The following NFASC variants were observed in gnomAD, a reference collection of about 807,000 sequenced individuals.
The protein encoded by NFASC is neurofascin homolog.
In NFASC, 43 loss-of-function variants were observed where a neutral mutation model predicts 147.5. The ratio of observed to expected loss-of-function variants is 0.29; its 90% CI spans 0.23 to 0.38. The LOEUF (loss-of-function observed/expected upper bound fraction) is 0.38. Among genes scored for constraint, NFASC ranks in the 10% least tolerant of loss-of-function variants. The probability of loss-of-function intolerance (pLI) is 1.00; values close to 1 mark genes in which losing one functional copy is unlikely to be tolerated. For missense variants in NFASC, 1,320 were observed against 1,689.0 expected (o/e 0.78, Z 3.83); for synonymous variants, 622 against 665.5 (o/e 0.93, Z 1.01).
At chr1:204,875,511 G>A (rs2078602313) in intron 1 of NFASC, among the ~76,000 whole-genome samples, 1 of 152,220 alleles carries the variant, frequency 6.6e-6, no homozygotes. Context: ...GGATTAGAAA[G>A]TTAAGGTGCT....
intron 2 of NFASC, among the ~76,000 whole-genome samples, chr1:204,940,505 A>G (rs1220920138): frequency 1.3e-5 from 2 of 152,226 alleles, no homozygotes; most frequent in African/African-American, 2.4e-5. Flanking sequence ...TGGTCCATTC[A>G]CAATGTGTGC....
chr1:204,864,243 C>T (rs959726576), intron 1 of NFASC, among the ~76,000 whole-genome samples: 8 of 152,132 alleles, frequency 5.3e-5, no homozygotes, highest in Non-Finnish European at 1.2e-4. Flanking sequence ...GAATGCACAC[C>T]GTTTTGTTTA....
At chr1:204,927,503 T>C (rs1204644600) in intron 2 of NFASC, among the ~76,000 whole-genome samples, 1 of 152,214 alleles carries the variant, frequency 6.6e-6, no homozygotes, top group East Asian at 1.9e-4. Flanking sequence ...TTTGACCTTT[T>C]GAAGATCCCT....
chr1:204,839,657 T>C (rs753082728), intron 1 of NFASC, among the ~76,000 whole-genome samples: 1 of 152,212 alleles, frequency 6.6e-6, no homozygotes, highest in Non-Finnish European at 1.5e-5. Flanking sequence ...AGGGCTGTCC[T>C]GAGCTCGCCT....
chr1:204,837,848 G>A (rs889410195), intron 1 of NFASC, among the ~76,000 whole-genome samples: 5 of 152,120 alleles, frequency 3.3e-5, no homozygotes, highest in Non-Finnish European at 5.9e-5. Flanking sequence ...TATGGTCCTT[G>A]TGATGAAAGC....
At chr1:205,006,849 C>T (rs984122902) in intron 27 of NFASC, among the ~76,000 whole-genome samples, 8 of 152,102 alleles carry the variant, frequency 5.3e-5, no homozygotes, top group Admixed American at 1.3e-4. Context: ...GAATTTCAAG[C>T]GCATGCATCC....
intron 2 of NFASC, among the ~76,000 whole-genome samples, chr1:204,927,096 A>G (rs994668633): frequency 5.9e-5 from 9 of 152,124 alleles, no homozygotes; most frequent in Non-Finnish European, 1.2e-4. Flanking sequence ...GATGATAGAT[A>G]GATAGATGGA....
At chr1:204,988,981 G>A (rs112629903) in intron 23 of NFASC, 175 bp downstream of exon 23, 4 of 638,462 alleles carry the variant, frequency 6.3e-6, no homozygotes, top group Non-Finnish European at 1.1e-5. Flanking sequence ...TGCTGGCATT[G>A]TATCTGGAGC....
rs781227252 is a variant in NFASC at position 204,842,650 on chromosome 1, G to T, written c.-200+13868G>T. 3.2e-4 allele frequency among the ~76,000 whole-genome samples: 48 copies of T among 152,354 alleles called. No homozygotes were observed. The Middle Eastern group carries it at 0.014, about 43-fold the overall frequency. ...CTCCATCTGACCACAGAGGCCTGGG[G>T]TTTTAATGCTTAATCTTTTTATTCC... On this transcript the variant is annotated intron_variant, in intron 1 of 29. Coordinates refer to ENST00000339876, the MANE Select transcript of NFASC (RefSeq NM_001005388.3).
intron 1 of NFASC, among the ~76,000 whole-genome samples, chr1:204,855,461 T>A (rs1040473628): frequency 3.9e-5 from 6 of 152,082 alleles, no homozygotes; most frequent in African/African-American, 1.4e-4. Flanking sequence ...AAAAAGACTT[T>A]AGAAATTAGG....
intron 1 of NFASC, among the ~76,000 whole-genome samples, chr1:204,869,000 G>A (rs748971250): frequency 3.3e-5 from 5 of 152,188 alleles, no homozygotes; most frequent in African/African-American, 4.8e-5. Context: ...TAGGGCCAAC[G>A]CCTTCCATCC....
At chr1:205,003,379 G>A (rs940641673) in intron 27 of NFASC, among the ~76,000 whole-genome samples, 2 of 152,178 alleles carry the variant, frequency 1.3e-5, no homozygotes, top group African/African-American at 2.4e-5. Context: ...GCTCTATAGC[G>A]GCTTTAGCTG....
intron 1 of NFASC, among the ~76,000 whole-genome samples, chr1:204,894,579 T>C (rs1169601187): frequency 1.3e-5 from 2 of 152,208 alleles, no homozygotes; most frequent in Admixed American, 1.3e-4. Context: ...TGTTATTCCT[T>C]GGAATTCTTT....
intron 2 of NFASC, among the ~76,000 whole-genome samples, chr1:204,923,307 G>A (rs1025912828): frequency 5.9e-5 from 9 of 152,202 alleles, no homozygotes; most frequent in Non-Finnish European, 1.0e-4. Context: ...TGCCCCAAGC[G>A]TCTGCTCCTG....
At chr1:204,868,848 C>T (rs1448677967) in intron 1 of NFASC, among the ~76,000 whole-genome samples, 2 of 152,236 alleles carry the variant, frequency 1.3e-5, no homozygotes, top group African/African-American at 4.8e-5. Context: ...ATTTTATCCC[C>T]TTTTGTTCCG....
At chr1:204,871,342 A>G (rs578109889) in intron 1 of NFASC, among the ~76,000 whole-genome samples, 32 of 152,292 alleles carry the variant, frequency 2.1e-4, no homozygotes, top group Non-Finnish European at 3.8e-4. Flanking sequence ...CTGAAATTTT[A>G]GGAGGAAGAG....
chr1:205,009,967 T>C, intron 28 of NFASC: 1 of 460,784 alleles, frequency 2.2e-6, no homozygotes. Context: ...TTCCTCCCCT[T>C]GACTCACCAC....
At position 204,979,608 on chromosome 1, in the gene NFASC, A is replaced by T. The variant is rs746807125; in HGVS notation, c.2176+49A>T. On this transcript the variant is annotated intron_variant, in intron 19 of 29. Transcript: ENST00000339876. The surrounding 1 kb of genome is among the most constrained non-coding windows in gnomAD (Gnocchi z 6.0). ...GAAGGCTCCGGAACCCCGCACCCCA[A>T]ACTCACACTGAGATCCCCCCATTCC... 1.3e-6 allele frequency: 2 copies of T among 1,528,614 alleles called. No individual in the cohort carries two copies. Among genetic ancestry groups the T allele is most frequent in the Non-Finnish European group, 1.8e-6 (2 of 1,103,780 alleles). 94.7% of individuals were successfully genotyped at this position (1,528,614 alleles called of 1,614,324 possible).
At chr1:204,846,950 C>CGCGT (rs968923434) in intron 1 of NFASC, among the ~76,000 whole-genome samples, 3 of 119,104 alleles carry the variant, frequency 2.5e-5, no homozygotes, top group Non-Finnish European at 4.8e-5. Context: ...TGTGTGTGTA[C>CGCGT]GCGTGTGTGT....
Sources: gnomAD v4.1 joint callset for allele counts (sites outside exome capture counted in the v4.1 genomes callset) on GRCh38, gnomAD v4.1.1 for gene constraint, Gnocchi (gnomAD v3.1) non-coding constraint, MANE v1.5 for transcripts, NCBI Gene and HGNC (gene_info 2026-07-23, HGNC 2026-07-21) for gene names.